Variants in CNGB1 observed in about 807,000 individuals in gnomAD.
CNGB1 encodes the protein cyclic nucleotide-gated channel beta-1.
CNGB1 carries 126 observed loss-of-function variants against 151.7 expected under a neutral mutation model. The ratio of observed to expected loss-of-function variants is 0.83; its 90% CI spans 0.72 to 0.96. The LOEUF (loss-of-function observed/expected upper bound fraction) is 0.96. CNGB1 is among the 40% of genes least tolerant of loss of function. CNGB1 has a pLI of 0.00. For synonymous variants in CNGB1, 623 were observed against 635.1 expected (o/e 0.98, Z 0.29); for missense variants, 1,698 against 1,627.0 (o/e 1.04, Z -0.75).
intron 32 of CNGB1, among the ~76,000 whole-genome samples, chr16:57,885,546 TTTCCTTCCTTC>T (rs1959896011): frequency 7.8e-6 from 1 of 128,054 alleles, no homozygotes; most frequent in African/African-American, 3.0e-5. Flanking sequence ...TCCTTCCTTC[TTTCCTTCCTTC>T]CTCTCTCTCT....
At position 57,960,076 on chromosome 16, in the gene CNGB1, G is replaced by A. The variant is rs1962203399; in HGVS notation, c.584-11C>T. 4 of 1,545,072 alleles carry A rather than the reference G, an allele frequency of 2.6e-6. No individual in the cohort carries two copies. The highest frequency in any genetic ancestry group is 3.5e-6 in the Non-Finnish European group (4 of 1,150,800). On this transcript the variant is annotated splice_polypyrimidine_tract_variant and intron_variant, in intron 9 of 32. Coordinates refer to ENST00000251102, the MANE Select transcript of CNGB1 (RefSeq NM_001297.5). ...GGCGTCCTGGAGGCGCTAAGCAGCG[G>A]GGAAAGCAGGAGCTAGAGACGCCAT...
intron 17 of CNGB1, among the ~76,000 whole-genome samples, chr16:57,930,669 T>TA (rs1273737876): frequency 6.6e-6 from 1 of 152,034 alleles, no homozygotes; most frequent in Non-Finnish European, 1.5e-5. Flanking sequence ...TACTCAGCCT[T>TA]AAAAAAGGAA....
At chr16:57,935,887 A>T (rs1961495650) in intron 16 of CNGB1, among the ~76,000 whole-genome samples, 1 of 151,718 alleles carries the variant, frequency 6.6e-6, no homozygotes, top group Non-Finnish European at 1.5e-5. Context: ...CCTCCATGCC[A>T]CCTCATCTCC....
At chr16:57,903,185 C>CTTTTTT (rs60099371) in intron 27 of CNGB1, among the ~76,000 whole-genome samples, 1 of 122,686 alleles carries the variant, frequency 8.2e-6, no homozygotes, top group African/African-American at 3.1e-5. Flanking sequence ...GTCCTTCTTC[C>CTTTTTT]TTTTTTTTTT....
At position 57,940,278 on chromosome 16, in the gene CNGB1, G is replaced by A; in HGVS notation, c.1165C>T (p.Gln389Ter). ...GGCCGGGTCCCGTCTTCTTCACTCT[G>A]GCCCACGCCCACCTGCGACACCACA... is the stretch of plus-strand genomic sequence containing the variant. ...SCVVSQVGVG[Q>*]SEEDGTRPQS... The change falls in exon 15 of 33, where the codon CAG becomes TAG. Residue 389 changes from glutamine (Q) to a stop codon, truncating the protein, a stop_gained. Transcript: ENST00000251102. LOFTEE classifies it high-confidence loss of function. The A allele has an allele frequency of 1.3e-6, 2 of 1,582,574 alleles. No homozygotes were observed. The highest frequency in any genetic ancestry group is 1.7e-4 in the Middle Eastern group (1 of 6,022).
chr16:57,913,063 G>A (rs1394853768), intron 23 of CNGB1, 69 bp from the exon 24 acceptor site: 1 of 1,493,200 alleles, frequency 6.7e-7, no homozygotes, highest in Non-Finnish European at 9.3e-7. Context: ...ACGCCCACGG[G>A]CGCCGAGACT....
At chr16:57,955,138 G>A (rs1962052972) in intron 12 of CNGB1, 1 of 1,467,494 alleles carries the variant, frequency 6.8e-7, no homozygotes, top group Non-Finnish European at 9.0e-7. Flanking sequence ...CCCTTGTTCT[G>A]GTCTGGGAGG....
At position 57,938,499 on chromosome 16, in the gene CNGB1, C is replaced by T. The variant is rs574374832; in HGVS notation, c.1372+931G>A. Among the ~76,000 whole-genome samples the T allele has an allele frequency of 2.0e-5, 3 of 152,286 alleles. No homozygotes were observed. In the East Asian group the frequency reaches 5.8e-4, roughly 29 times the overall value. ...TGGACACATTGTCTCCCCTACTCTG[C>T]CCAGCAACCTGTGAGCTAGGTACTA... is the stretch of plus-strand genomic sequence containing the variant. On this transcript the variant is annotated intron_variant, in intron 16 of 32. Coordinates refer to ENST00000251102, the MANE Select transcript of CNGB1 (RefSeq NM_001297.5).
At position 57,911,894 on chromosome 16, in the gene CNGB1, G is replaced by C. The variant is rs758363643; in HGVS notation, c.2370-19C>G. The C allele has an allele frequency of 6.2e-7, 1 of 1,612,420 alleles. No homozygotes were observed. The highest frequency in any genetic ancestry group is 8.5e-7 in the Non-Finnish European group (1 of 1,179,106). Reference sequence around the variant, plus strand: ...GATGACCCTGCAGAAGGAACACAGCGCATGAACACAGCGGCGGAAGGGGGA... The same window carrying C: ...GATGACCCTGCAGAAGGAACACAGCCCATGAACACAGCGGCGGAAGGGGGA... On this transcript the variant is annotated intron_variant, in intron 24 of 32. Coordinates refer to ENST00000251102, the MANE Select transcript of CNGB1 (RefSeq NM_001297.5).
At chr16:57,953,493 T>TA (rs61409577) in intron 12 of CNGB1, among the ~76,000 whole-genome samples, 39,435 of 122,592 alleles carry the variant, frequency 0.32, 6,203 homozygotes, top group South Asian at 0.37. Context: ...GGCTCAATCT[T>TA]AAAAAAAAAA....
intron 31 of CNGB1, among the ~76,000 whole-genome samples, chr16:57,891,132 G>A (rs559280046): frequency 6.6e-6 from 1 of 152,332 alleles, no homozygotes; most frequent in South Asian, 2.1e-4. Flanking sequence ...TGGCTTTCCT[G>A]AGCTTTGCTC....
intron 2 of CNGB1, among the ~76,000 whole-genome samples, chr16:57,966,014 G>A (rs1324957047): frequency 6.6e-6 from 1 of 152,056 alleles, no homozygotes; most frequent in African/African-American, 2.4e-5. Flanking sequence ...AACACACCCT[G>A]CCCTTCTCTA....
At chr16:57,956,199 G>T (rs1597009670) in intron 12 of CNGB1, among the ~76,000 whole-genome samples, 4 of 152,308 alleles carry the variant, frequency 2.6e-5, no homozygotes, top group African/African-American at 9.6e-5. Context: ...AGCTGTGGCT[G>T]CCAGGCCAGG....
intron 14 of CNGB1, among the ~76,000 whole-genome samples, chr16:57,948,000 G>A (rs1961850834): frequency 6.6e-6 from 1 of 152,224 alleles, no homozygotes; most frequent in African/African-American, 2.4e-5. Flanking sequence ...AACACTCACA[G>A]TGCTATCCTG....
intron 24 of CNGB1, among the ~76,000 whole-genome samples, 157 bp downstream of exon 24, chr16:57,912,744 CATTGTGTGTTGGGTGTGTGTATGTTGAAT>C (rs1418823178): frequency 6.8e-6 from 1 of 146,778 alleles, no homozygotes; most frequent in African/African-American, 2.5e-5. Flanking sequence ...TGTGTGTGTG[CATTGTGTGTTGGGTGTGTGTATGTTGAAT>C]GTTGTGTGTG....
Position 57,917,404 on chromosome 16 carries a change from C to T in CNGB1, c.2030G>A (p.Arg677His), listed in dbSNP as rs375519490. 5.6e-6 allele frequency: 9 copies of T among 1,613,954 alleles called. No individual in the cohort carries two copies. Among genetic ancestry groups the T allele is most frequent in the Middle Eastern group, 1.6e-4 (1 of 6,082 alleles). Residue 677 changes from arginine to histidine, a missense_variant, in exon 21 of 33, where the codon CGC becomes CAC. Coordinates refer to ENST00000251102, the MANE Select transcript of CNGB1 (RefSeq NM_001297.5). Reference sequence around the variant, plus strand: ...CGGGGTCTGGTAGGGGAAGGCCCAGCGCACGGGAATCAGCCAACAGTTCCA... The same window carrying T: ...CGGGGTCTGGTAGGGGAAGGCCCAGTGCACGGGAATCAGCCAACAGTTCCA... ...WNWNCWLIPVRWAFPYQTPDN... is the reference protein window; with the variant it reads ...WNWNCWLIPVHWAFPYQTPDN...
chr16:57,912,401 C>G (rs1960742559), intron 24 of CNGB1, among the ~76,000 whole-genome samples: 1 of 152,216 alleles, frequency 6.6e-6, no homozygotes, highest in Non-Finnish European at 1.5e-5. Flanking sequence ...GATGTGCACC[C>G]TCATCACAAT....
At chr16:57,893,500 A>T (rs1202289129) in intron 31 of CNGB1, among the ~76,000 whole-genome samples, 5 of 152,104 alleles carry the variant, frequency 3.3e-5, no homozygotes, top group African/African-American at 1.2e-4. Flanking sequence ...CACACTATTT[A>T]ATTTTCACAG....
intron 22 of CNGB1, among the ~76,000 whole-genome samples, 190 bp downstream of exon 22, chr16:57,915,939 T>A (rs966853523): frequency 4.0e-5 from 6 of 148,894 alleles, no homozygotes; most frequent in Non-Finnish European, 7.5e-5. Flanking sequence ...AGAAGAAAGA[T>A]AACTTCTGGG....
Sources: gnomAD v4.1 joint callset for allele counts (sites outside exome capture counted in the v4.1 genomes callset) on GRCh38, gnomAD v4.1.1 for gene constraint, MANE v1.5 for transcripts, NCBI Gene and HGNC (gene_info 2026-07-23, HGNC 2026-07-21) for gene names.